HEXIM2: variants seen among roughly 807,000 people sequenced by gnomAD.
HEXIM2 encodes HEXIM P-TEFb complex subunit 2.
For synonymous variants in HEXIM2, 159 were observed against 162.7 expected (o/e 0.98, Z 0.17); for missense variants, 413 against 390.8 (o/e 1.06, Z -0.48).
upstream of HEXIM2, among the ~76,000 whole-genome samples, chr17:45,160,347 A>T (rs1186136630): frequency 6.6e-6 from 1 of 152,160 alleles, no homozygotes; most frequent in Non-Finnish European, 1.5e-5. Context: ...ATTTCAAAAA[A>T]TTGAGGTTAC....
Position 45,162,852 on chromosome 17 carries a change from A to C in HEXIM2, c.59A>C (p.Glu20Ala), listed in dbSNP as rs763273137. The change falls in exon 3 of 4, where the codon GAG becomes GCG. Residue 20 changes from glutamate to alanine, a missense_variant. Transcript: ENST00000589230. ...CNAESPVALE[E>A]AKTSGAPGSP... is the part of the protein sequence containing the mutation. ...GCAGAGTCACCAGTGGCCCTGGAGG[A>C]GGCCAAGGTAAGTCCCTGCCCTCCT... 6.2e-7 allele frequency: 1 copy of C among 1,611,228 alleles called. No homozygotes were observed. The highest frequency in any genetic ancestry group is 8.5e-7 in the Non-Finnish European group (1 of 1,178,032).
chr17:45,165,385 A>G (rs1276377431), intron 3 of HEXIM2, among the ~76,000 whole-genome samples: 1 of 152,074 alleles, frequency 6.6e-6, no homozygotes, highest in Non-Finnish European at 1.5e-5. Context: ...CATACACCAC[A>G]TTCCTCAGTA....
Position 45,169,502 on chromosome 17 carries a change from A to G in HEXIM2, c.554A>G (p.His185Arg), listed in dbSNP as rs767964538. Residue 185 changes from histidine to arginine, a missense_variant, in exon 4 of 4, where the codon CAC (histidine) becomes CGC (arginine). His to Arg is a conservative substitution (Grantham distance 29, BLOSUM62 0). Coordinates refer to ENST00000589230, the MANE Select transcript of HEXIM2 (RefSeq NM_001303441.2). ...GACAGTGATGGGCGGGGCCGAGCGC[A>G]CGGTGAGTTCCAGCGGAAGGACTTC... ...AGDSDGRGRA[H>R]GEFQRKDFSE... The G allele has an allele frequency of 1.2e-6, 2 of 1,610,662 alleles. No individual in the cohort carries two copies. The highest frequency in any genetic ancestry group is 8.5e-7 in the Non-Finnish European group (1 of 1,178,582).
upstream of HEXIM2, chr17:45,160,935 G>A (rs2042665644): frequency 7.8e-6 from 10 of 1,289,716 alleles, no homozygotes; most frequent in Non-Finnish European, 1.0e-5. Flanking sequence ...GCGCTTTGGT[G>A]TAAGCGAGGT....
In HEXIM2 at chr17:45,161,880, T is replaced by C. The variant is rs1426769787; in HGVS notation, c.-344T>C. The C allele has an allele frequency of 1.1e-5, 11 of 985,566 alleles. No individual in the cohort carries two copies. The highest frequency in any genetic ancestry group is 1.7e-5 in the African/African-American group (1 of 57,222). The allele number at this position is 985,566 out of a possible 1,614,324, so 61.1% of individuals were successfully genotyped here. A position where few individuals can be genotyped will look rare whatever the true frequency, so the allele number is the denominator to read the frequency against. On this transcript the variant is annotated 5_prime_UTR_variant, in exon 1 of 4. Transcript: ENST00000589230. ...AGGCACCGCGCGTCCAGGCTCTCTC[T>C]TCCCCCCCATCTTAGTGGCCTGAGC...
At position 45,169,664 on chromosome 17, in the gene HEXIM2, C is replaced by G. The variant is rs1336747178; in HGVS notation, c.716C>G (p.Ala239Gly). ...ACTAGGAGGCTGCAGCAGCTGCAGG[C>G]GTGCACCGGCCAGCAGTCCTGCCGC... is the stretch of plus-strand genomic sequence containing the variant. The part of the protein sequence containing the change: ...EETRRLQQLQ[A>G]CTGQQSCRQV... The change falls in exon 4 of 4, where the codon GCG becomes GGG. Residue 239 changes from alanine (A) to glycine (G), a missense_variant. Physicochemically the swap from Ala to Gly is moderately conservative, Grantham distance 60. Coordinates refer to ENST00000589230, the MANE Select transcript of HEXIM2 (RefSeq NM_001303441.2). 1 of 1,534,192 alleles carries G rather than the reference C, an allele frequency of 6.5e-7. No homozygotes were observed. The highest frequency in any genetic ancestry group is 1.7e-4 in the Middle Eastern group (1 of 5,850).
At chr17:45,168,274 G>T (rs1446476881) in intron 3 of HEXIM2, among the ~76,000 whole-genome samples, 2 of 149,612 alleles carry the variant, frequency 1.3e-5, no homozygotes, top group African/African-American at 4.9e-5. Context: ...CTGAGGTCAG[G>T]AGTTTGAGAC....
Position 45,162,875 on chromosome 17 carries a change from C to T in HEXIM2, c.66+16C>T, listed in dbSNP as rs756039468. 2 of 1,547,554 alleles carry T rather than the reference C, an allele frequency of 1.3e-6. No individual in the cohort carries two copies. Among genetic ancestry groups the T allele is most frequent in the South Asian group, 2.2e-5 (2 of 89,650 alleles). On this transcript the variant is annotated intron_variant, in intron 3 of 3. Transcript: ENST00000589230. ...GGAGGCCAAGGTAAGTCCCTGCCCT[C>T]CTGCCCACCCAAGCACCACGAGCAC...
Position 45,162,776 on chromosome 17 carries a change from A to G in HEXIM2, c.-18A>G. On this transcript the variant is annotated 5_prime_UTR_variant, in exon 3 of 4. Coordinates refer to ENST00000589230, the MANE Select transcript of HEXIM2 (RefSeq NM_001303441.2). ...TGTCACTAGTTCCAGGCGTCTGCTG[A>G]AAGATTTGGAACAGAAGATGATGGC... 6.2e-7 allele frequency: 1 copy of G among 1,613,908 alleles called. No homozygotes were observed. Among genetic ancestry groups the G allele is most frequent in the Non-Finnish European group, 8.5e-7 (1 of 1,179,962 alleles).
chr17:45,165,817 C>T (rs1598138112), intron 3 of HEXIM2, among the ~76,000 whole-genome samples: 1 of 151,000 alleles, frequency 6.6e-6, no homozygotes, highest in African/African-American at 2.4e-5. Flanking sequence ...TTTTTTGAGC[C>T]AGAGTCTTAC....
intron 3 of HEXIM2, among the ~76,000 whole-genome samples, chr17:45,168,643 T>C (rs1451916199): frequency 6.6e-6 from 1 of 151,998 alleles, no homozygotes; most frequent in Admixed American, 6.6e-5. Flanking sequence ...CCGGTGCCAT[T>C]TGGGCTTCTG....
At position 45,162,736 on chromosome 17, in the gene HEXIM2, G is replaced by A. The variant is rs375592531; in HGVS notation, c.-44-14G>A. 14 of 1,612,460 alleles carry A rather than the reference G, an allele frequency of 8.7e-6. No individual in the cohort carries two copies. The African/African-American group carries it at 1.7e-4, about 20-fold the overall frequency. On this transcript the variant is annotated splice_polypyrimidine_tract_variant and intron_variant, in intron 2 of 3. Coordinates refer to ENST00000589230, the MANE Select transcript of HEXIM2 (RefSeq NM_001303441.2). ...TTCCTTCAGGATTTAGGTTTCTGTTGTTGTTCAAAGCAGGTGTCACTAGTT... is the reference window on the plus strand; with the variant it reads ...TTCCTTCAGGATTTAGGTTTCTGTTATTGTTCAAAGCAGGTGTCACTAGTT...
chr17:45,164,836 CT>C (rs1312148467), intron 3 of HEXIM2, among the ~76,000 whole-genome samples: 1 of 152,164 alleles, frequency 6.6e-6, no homozygotes, highest in East Asian at 1.9e-4. Flanking sequence ...GAGCAGGGGG[CT>C]TAGGACAGAG....
intron 3 of HEXIM2, among the ~76,000 whole-genome samples, chr17:45,163,325 C>CAAA (rs11423159): frequency 0.2 from 15,872 of 78,284 alleles, 2,172 homozygotes; most frequent in South Asian, 0.3. Flanking sequence ...GACTCCGTCT[C>CAAA]AAAAAAAAAA....
intron 3 of HEXIM2, among the ~76,000 whole-genome samples, chr17:45,167,268 G>A (rs1185617105): frequency 6.6e-6 from 1 of 151,992 alleles, no homozygotes; most frequent in Non-Finnish European, 1.5e-5. Flanking sequence ...GGAGGTTGCA[G>A]TGAGCTGAGA....
rs906175857 is a variant in HEXIM2 at position 45,169,283 on chromosome 17, A to C, written c.335A>C (p.Glu112Ala). 1 of 1,613,790 alleles carries C rather than the reference A, an allele frequency of 6.2e-7. No individual in the cohort carries two copies. The highest frequency in any genetic ancestry group is 8.5e-7 in the Non-Finnish European group (1 of 1,180,006). ...CCCTACCTGGAGCTGAGCTGGGCTGAGAAACAACAGCGGGATGAGAGGCAG... is the reference window on the plus strand; with the variant it reads ...CCCTACCTGGAGCTGAGCTGGGCTGCGAAACAACAGCGGGATGAGAGGCAG... Reference protein sequence around the residue: ...WRPYLELSWAEKQQRDERQSQ... With the variant: ...WRPYLELSWAAKQQRDERQSQ... The change falls in exon 4 of 4, where the codon GAG (glutamate) becomes GCG (alanine). Residue 112 changes from glutamate to alanine, a missense_variant. Glu to Ala is a moderately radical substitution (Grantham distance 107, BLOSUM62 -1). Coordinates refer to ENST00000589230, the MANE Select transcript of HEXIM2 (RefSeq NM_001303441.2).
At chr17:45,168,719 G>A (rs1353994494) in intron 3 of HEXIM2, 2 of 318,894 alleles carry the variant, frequency 6.3e-6, no homozygotes, top group African/African-American at 4.2e-5. Context: ...TTACTCATTT[G>A]GACAGTATTT....
At chr17:45,160,734 T>C, upstream of HEXIM2, 2 of 407,262 alleles carry the variant, frequency 4.9e-6, no homozygotes, top group Non-Finnish European at 5.0e-6. Context: ...GCTGGCGACA[T>C]GCTAGGTCAG....
At position 45,162,734 on chromosome 17, in the gene HEXIM2, T is replaced by C. The variant is rs746204035; in HGVS notation, c.-44-16T>C. On this transcript the variant is annotated splice_polypyrimidine_tract_variant and intron_variant, in intron 2 of 3. Coordinates refer to ENST00000589230, the MANE Select transcript of HEXIM2 (RefSeq NM_001303441.2). ...CGTTCCTTCAGGATTTAGGTTTCTG[T>C]TGTTGTTCAAAGCAGGTGTCACTAG... The C allele has an allele frequency of 1.6e-5, 25 of 1,601,544 alleles. No homozygotes were observed. The highest frequency in any genetic ancestry group is 3.5e-4 in the Middle Eastern group (2 of 5,724).
Sources: allele counts gnomAD v4.1 joint callset (sites outside exome capture counted in the v4.1 genomes callset), GRCh38; gene constraint gnomAD v4.1.1; transcripts MANE v1.5; gene names NCBI Gene and HGNC (gene_info 2026-07-23, HGNC 2026-07-21).